The following TRAF4 variants were observed in gnomAD, a reference collection of about 807,000 sequenced individuals.
TRAF4 encodes the protein TNF receptor-associated factor 4.
Under a neutral mutation model 47.3 loss-of-function variants are expected in TRAF4, and 9 were observed. That is an observed-to-expected ratio of 0.19 (90% CI 0.11 to 0.33). The LOEUF (loss-of-function observed/expected upper bound fraction) is 0.33, where lower values mean the gene tolerates loss of function less well. TRAF4 is among the 10% of genes least tolerant of loss of function. The probability of loss-of-function intolerance (pLI) is 1.00; values close to 1 mark genes in which losing one functional copy is unlikely to be tolerated. For missense variants in TRAF4, 448 were observed against 620.3 expected (o/e 0.72, Z 2.95); for synonymous variants, 236 against 236.9 (o/e 1.00, Z 0.04).
chr17:28,750,178 T>C lies in TRAF4; in HGVS notation c.*601T>C. The C allele has an allele frequency of 2.3e-6, 1 of 430,268 alleles. No homozygotes were observed. 26.7% of individuals were successfully genotyped at this position (430,268 alleles called of 1,614,324 possible). On this transcript the variant is annotated 3_prime_UTR_variant, in exon 7 of 7. Coordinates refer to ENST00000262395, the MANE Select transcript of TRAF4 (RefSeq NM_004295.4). Reference sequence around the variant, plus strand: ...GACCAGTCAGAGAAGGGCCGCTGCCTGGGTCTGGCCCCAGGATCCAGCTTA... The same window carrying C: ...GACCAGTCAGAGAAGGGCCGCTGCCCGGGTCTGGCCCCAGGATCCAGCTTA...
intron 1 of TRAF4, 153 bp from the exon 2 acceptor site, chr17:28,747,060 G>C: frequency 1.5e-6 from 1 of 672,084 alleles, no homozygotes; most frequent in Non-Finnish European, 2.3e-6. Context: ...TGGGGAAGTA[G>C]AGCCCCTCAG....
rs2034549955 is a variant in TRAF4 at position 28,748,434 on chromosome 17, C to T, written c.624+11C>T. The T allele has an allele frequency of 1.2e-6, 2 of 1,606,464 alleles. No homozygotes were observed. The highest frequency in any genetic ancestry group is 1.3e-5 in the African/African-American group (1 of 74,894). ...TTTGACACCATCCAGGTGAGGCCTT[C>T]CCTGAACTGTGGGTTGCAGGGTAGG... On this transcript the variant is annotated intron_variant, in intron 5 of 6. Transcript: ENST00000262395.
chr17:28,749,729 G>A lies in TRAF4; in HGVS notation c.*152G>A, dbSNP rs1324381025. The A allele has an allele frequency of 1.5e-6, 2 of 1,315,582 alleles. No homozygotes were observed. The highest frequency in any genetic ancestry group is 2.1e-6 in the Non-Finnish European group (2 of 945,758). 81.5% of individuals were successfully genotyped at this position (1,315,582 alleles called of 1,614,324 possible). On this transcript the variant is annotated 3_prime_UTR_variant, in exon 7 of 7. Coordinates refer to ENST00000262395, the MANE Select transcript of TRAF4 (RefSeq NM_004295.4). ...CCTCCCCCAGCCACCACCCTCAGGT[G>A]CCTCCAATTGGTGCTTCAGCCCTGG...
chr17:28,748,784 C>T, intron 6 of TRAF4, 118 bp downstream of exon 6: 1 of 1,500,500 alleles, frequency 6.7e-7, no homozygotes, highest in Non-Finnish European at 8.9e-7. Context: ...AACCCTCAGT[C>T]CTTCCCTCTG....
chr17:28,748,844 C>T, intron 6 of TRAF4, 101 bp from the exon 7 acceptor site: 1 of 1,484,952 alleles, frequency 6.7e-7, no homozygotes, highest in Non-Finnish European at 8.9e-7. Context: ...TCACGTAGAG[C>T]TGGGTGCCTG....
Position 28,748,657 on chromosome 17 carries a change from C to T in TRAF4, c.771C>T (p.Cys257=), listed in dbSNP as rs767657488. ...LVLCPFKDSG[C]KHRCPKLAMA... ...TCTGCCCATTCAAAGACTCCGGCTG[C>T]AAGCACAGGGTGAGATGCCCCTTTT... The change falls in exon 6 of 7, where the codon TGC becomes TGT. Residue 257 remains cysteine, a synonymous_variant. Transcript: ENST00000262395. 5.0e-6 allele frequency: 8 copies of T among 1,610,760 alleles called. No individual in the cohort carries two copies. The South Asian group carries it at 6.6e-5, about 13-fold the overall frequency.
rs749902745 is a variant in TRAF4, at chr17:28,748,371, G to A, written c.572G>A (p.Arg191His). The A allele has an allele frequency of 4.3e-6, 7 of 1,613,384 alleles. No individual in the cohort carries two copies. In the African/African-American group the frequency reaches 5.3e-5, roughly 12 times the overall value. ...CATGCCACCTCTGAGTGCCCCAAGC[G>A]CACTCAGCCCTGCACCTACTGCACT... Reference protein sequence around the residue: ...AQHATSECPKRTQPCTYCTKE... With the variant: ...AQHATSECPKHTQPCTYCTKE... Residue 191 changes from arginine to histidine, a missense_variant, in exon 5 of 7, where the codon CGC (arginine) becomes CAC (histidine). Arg to His is a conservative substitution (Grantham distance 29, BLOSUM62 0). Transcript: ENST00000262395.
chr17:28,748,767 G>C, intron 6 of TRAF4, 101 bp downstream of exon 6: 1 of 1,529,702 alleles, frequency 6.5e-7, no homozygotes, highest in Admixed American at 1.9e-5. Flanking sequence ...CTGCTGTGCT[G>C]CTCTGAAACC....
chr17:28,749,915 G>A lies in TRAF4; in HGVS notation c.*338G>A, dbSNP rs1238773485. 1.4e-6 allele frequency: 1 copy of A among 700,064 alleles called. No individual in the cohort carries two copies. The highest frequency in any genetic ancestry group is 1.5e-5 in the South Asian group (1 of 67,480). The allele number at this position is 700,064 out of a possible 1,614,324, so 43.4% of individuals were successfully genotyped here. ...GCTATGTCCCAAGAGCCATAAGGGG[G>A]TGGGAATTGGGGAGGGAGAAAGGGT... On this transcript the variant is annotated 3_prime_UTR_variant, in exon 7 of 7. Coordinates refer to ENST00000262395, the MANE Select transcript of TRAF4 (RefSeq NM_004295.4).
At chr17:28,748,835 C>T (rs1430462737) in intron 6 of TRAF4, 110 bp from the exon 7 acceptor site, 2 of 1,480,886 alleles carry the variant, frequency 1.4e-6, no homozygotes, top group African/African-American at 2.8e-5. Flanking sequence ...CTGTCTTCCT[C>T]ACGTAGAGCT....
In TRAF4 at chr17:28,749,248, C is replaced by T; in HGVS notation, c.1084C>T (p.His362Tyr). The T allele has an allele frequency of 1.2e-6, 2 of 1,614,138 alleles. No homozygotes were observed. Among genetic ancestry groups the T allele is most frequent in the Non-Finnish European group, 1.7e-6 (2 of 1,180,048 alleles). Reference protein sequence around the residue: ...LNGNGSGEGTHLSLYIRVLPG... With the variant: ...LNGNGSGEGTYLSLYIRVLPG... ...TGGCAATGGCAGTGGTGAGGGCACACACCTCTCACTGTACATTCGTGTGCT... is the reference window on the plus strand; with the variant it reads ...TGGCAATGGCAGTGGTGAGGGCACATACCTCTCACTGTACATTCGTGTGCT... Residue 362 changes from histidine to tyrosine, a missense_variant, in exon 7 of 7, where the codon CAC becomes TAC. Transcript: ENST00000262395.
rs971473874 is a variant in TRAF4, at chr17:28,750,288, A to T, written c.*711A>T. ...CGGTCCCTGCCACTGCCCTCTGCCG[A>T]TGAAATGCGGGAAGTGTATGGCCTA... On this transcript the variant is annotated 3_prime_UTR_variant, in exon 7 of 7. Coordinates refer to ENST00000262395, the MANE Select transcript of TRAF4 (RefSeq NM_004295.4). 5 of 230,222 alleles carry T rather than the reference A, an allele frequency of 2.2e-5. No homozygotes were observed. The highest frequency in any genetic ancestry group is 4.3e-5 in the Non-Finnish European group (5 of 116,298). The allele number at this position is 230,222 out of a possible 1,614,324, so 14.3% of individuals were successfully genotyped here.
rs1316221982 is a variant in TRAF4, at chr17:28,748,283, C to T, written c.484C>T (p.Gln162Ter). 3 of 1,613,608 alleles carry T rather than the reference C, an allele frequency of 1.9e-6. No homozygotes were observed. The highest frequency in any genetic ancestry group is 2.5e-6 in the Non-Finnish European group (3 of 1,179,742). The change falls in exon 5 of 7, where the codon CAG becomes TAG. Residue 162 changes from glutamine to a stop codon, truncating the protein, a stop_gained. Coordinates refer to ENST00000262395, the MANE Select transcript of TRAF4 (RefSeq NM_004295.4). LOFTEE classifies it high-confidence loss of function. The part of the protein sequence containing the change: ...AYESHEGMCP[Q>*]ESVYCENKCG... Reference sequence around the variant, plus strand: ...CCAGAGCCATGAGGGTATGTGCCCCCAGGAGAGTGTCTACTGTGAGAATAA... The same window carrying T: ...CCAGAGCCATGAGGGTATGTGCCCCTAGGAGAGTGTCTACTGTGAGAATAA...
In TRAF4 at chr17:28,749,070, A is replaced by C; in HGVS notation, c.906A>C (p.Leu302=). The change falls in exon 7 of 7, where the codon CTA becomes CTC. Residue 302 remains leucine (L), a synonymous_variant. Transcript: ENST00000262395. The part of the protein sequence containing the change: ...LQELRRELEE[L]SVGSDGVLIW... ...AGCTTCGGCGAGAGCTGGAGGAGCT[A>C]TCAGTGGGCAGTGATGGCGTGCTCA... 6.2e-7 allele frequency: 1 copy of C among 1,614,046 alleles called. No homozygotes were observed. The highest frequency in any genetic ancestry group is 8.5e-7 in the Non-Finnish European group (1 of 1,180,044).
In TRAF4 at chr17:28,748,709, G is replaced by A. The variant is rs770565100; in HGVS notation, c.780+43G>A. On this transcript the variant is annotated intron_variant, in intron 6 of 6. Transcript: ENST00000262395. ...CTGTCAGCCCCCTTTTGCCCTTGAA[G>A]CCCTAGACAGAGGCTCAGCTTCTGA... The A allele has an allele frequency of 1.9e-6, 3 of 1,595,796 alleles. No homozygotes were observed. The Admixed American group carries it at 5.0e-5, about 27-fold the overall frequency.
At position 28,744,130 on chromosome 17, in the gene TRAF4, C is replaced by T. The variant is rs758900250; in HGVS notation, c.18C>T (p.Tyr6=). ...CGCCCGCCATGCCTGGCTTCGACTACAAGTTCCTGGAGAAGCCCAAGCGAC... is the reference window on the plus strand; with the variant it reads ...CGCCCGCCATGCCTGGCTTCGACTATAAGTTCCTGGAGAAGCCCAAGCGAC... MPGFD[Y]KFLEKPKRRL... Residue 6 remains tyrosine, a synonymous_variant, in exon 1 of 7, where the codon TAC becomes TAT. Transcript: ENST00000262395. 1 of 1,584,050 alleles carries T rather than the reference C, an allele frequency of 6.3e-7. No homozygotes were observed. Among genetic ancestry groups the T allele is most frequent in the South Asian group, 1.1e-5 (1 of 89,390 alleles).
chr17:28,748,583 G>A lies in TRAF4; in HGVS notation c.697G>A (p.Glu233Lys). The A allele has an allele frequency of 6.2e-7, 1 of 1,613,290 alleles. No individual in the cohort carries two copies. The highest frequency in any genetic ancestry group is 8.5e-7 in the Non-Finnish European group (1 of 1,179,986). Reference sequence around the variant, plus strand: ...ATGTGGTGTGGGCACTGTGGCTCGGGAGGACCTGCCAGGCCATCTGAAGGA... The same window carrying A: ...ATGTGGTGTGGGCACTGTGGCTCGGAAGGACCTGCCAGGCCATCTGAAGGA... ...NQCGVGTVAR[E>K]DLPGHLKDSC... The change falls in exon 6 of 7, where the codon GAG (glutamate) becomes AAG (lysine). Residue 233 changes from glutamate to lysine, a missense_variant. Transcript: ENST00000262395.
rs756872921 is a variant in TRAF4, at chr17:28,749,620, TCA to T, written c.*44_*45del. 1 of 1,589,102 alleles carries T rather than the reference TCA, an allele frequency of 6.3e-7. No homozygotes were observed. Among genetic ancestry groups the T allele is most frequent in the East Asian group, 2.2e-5 (1 of 44,706 alleles). The stretch of plus-strand genomic sequence containing the variant: ...GGGGAAAGGACGATGGGGCATGACC[TCA>T]GTCAGGCACTGGCTGAACTTGGAGA... On this transcript the variant is annotated 3_prime_UTR_variant, in exon 7 of 7. Coordinates refer to ENST00000262395, the MANE Select transcript of TRAF4 (RefSeq NM_004295.4).
rs761453267 is a variant in TRAF4 at position 28,748,246 on chromosome 17, C to T, written c.463-16C>T. The T allele has an allele frequency of 3.1e-6, 5 of 1,612,274 alleles. No individual in the cohort carries two copies. In the African/African-American group the frequency reaches 5.3e-5, roughly 17 times the overall value. On this transcript the variant is annotated splice_polypyrimidine_tract_variant and intron_variant, in intron 4 of 6. Transcript: ENST00000262395. ...GGCCTAGGCATCTCTTAACTCAGCA[C>T]CTCTGACATTTCCAGAGCCATGAGG...
Sources: allele counts gnomAD v4.1 joint callset, GRCh38; gene constraint gnomAD v4.1.1; transcripts MANE v1.5; gene names NCBI Gene and HGNC (gene_info 2026-07-23, HGNC 2026-07-21).